ADAMTS5: variants seen among roughly 807,000 people sequenced by gnomAD.
ADAMTS5 encodes the protein A disintegrin and metalloproteinase with thrombospondin motifs 5.
Under a neutral mutation model 81.4 loss-of-function variants are expected in ADAMTS5, and 54 were observed. That is an observed-to-expected ratio of 0.66 (90% confidence interval 0.53 to 0.83). The LOEUF is 0.83. ADAMTS5 is among the 40% of genes least tolerant of loss of function. ADAMTS5 has a pLI of 0.00. For synonymous variants in ADAMTS5, 532 were observed against 508.8 expected (o/e 1.05, Z -0.61); for missense variants, 1,194 against 1,229.9 (o/e 0.97, Z 0.44).
Position 26,929,963 on chromosome 21 carries a change from C to T in ADAMTS5, c.2148G>A (p.Leu716=), listed in dbSNP as rs757897756. ...CACATACTCCGCACTTGTCATACTG[C>T]AGCTTTGAGCCAATGATGCCGTCAC... ...TGCDGIIGSK[L]QYDKCGVCGG... The change falls in exon 7 of 8, where the codon CTG becomes CTA. Residue 716 remains leucine (L), a synonymous_variant. Coordinates refer to ENST00000284987, the MANE Select transcript of ADAMTS5 (RefSeq NM_007038.5). The T allele has an allele frequency of 2.5e-6, 4 of 1,614,140 alleles. No individual in the cohort carries two copies. Among genetic ancestry groups the T allele is most frequent in the South Asian group, 2.2e-5 (2 of 91,080 alleles).
At chr21:26,933,477 T>C (rs1986953188) in intron 4 of ADAMTS5, among the ~76,000 whole-genome samples, 1 of 152,228 alleles carries the variant, frequency 6.6e-6, no homozygotes, top group Non-Finnish European at 1.5e-5. Context: ...TGTGTTTGCA[T>C]CTCTTCAGCA....
intron 3 of ADAMTS5, among the ~76,000 whole-genome samples, chr21:26,942,278 A>G (rs1369124520): frequency 2.0e-5 from 3 of 152,164 alleles, no homozygotes; most frequent in African/African-American, 7.2e-5. Flanking sequence ...CCACAGTTCC[A>G]AACAGTCAAC....
At chr21:26,946,667 A>G (rs1256184244) in intron 2 of ADAMTS5, among the ~76,000 whole-genome samples, 2 of 152,212 alleles carry the variant, frequency 1.3e-5, no homozygotes, top group African/African-American at 4.8e-5. Flanking sequence ...TGTCTCAGAG[A>G]GTAAAACAGC....
intron 2 of ADAMTS5, among the ~76,000 whole-genome samples, chr21:26,946,006 C>G (rs935798551): frequency 1.3e-5 from 2 of 152,152 alleles, no homozygotes; most frequent in Non-Finnish European, 2.9e-5. Flanking sequence ...GAAAGCCTGT[C>G]AGCTCTCTGG....
At chr21:26,932,688 G>C (rs1212115269) in intron 5 of ADAMTS5, among the ~76,000 whole-genome samples, 173 bp downstream of exon 5, 1 of 147,350 alleles carries the variant, frequency 6.8e-6, no homozygotes. Context: ...ACAACAGTGT[G>C]AGACTCCATC....
chr21:26,966,244 C>A lies in ADAMTS5; in HGVS notation c.148G>T (p.Glu50Ter). The change falls in exon 1 of 8, where the codon GAG becomes TAG. Residue 50 changes from glutamate (E) to a stop codon, truncating the protein, a stop_gained. Coordinates refer to ENST00000284987, the MANE Select transcript of ADAMTS5 (RefSeq NM_007038.5). LOFTEE classifies it high-confidence loss of function. ...AAQPRRRQGE[E>*]VQERAEPPGH... is the part of the protein sequence containing the mutation. Reference sequence around the variant, plus strand: ...GGAGGCTCGGCTCGCTCCTGCACCTCCTCCCCCTGCCGCCGGCGGGGCTGG... The same window carrying A: ...GGAGGCTCGGCTCGCTCCTGCACCTACTCCCCCTGCCGCCGGCGGGGCTGG... 6.3e-7 allele frequency: 1 copy of A among 1,599,198 alleles called. No homozygotes were observed. Among genetic ancestry groups the A allele is most frequent in the Non-Finnish European group, 8.5e-7 (1 of 1,175,110 alleles).
Position 26,965,963 on chromosome 21 carries a change from C to T in ADAMTS5, c.429G>A (p.Leu143=). 6.2e-7 allele frequency: 1 copy of T among 1,613,328 alleles called. No homozygotes were observed. The highest frequency in any genetic ancestry group is 8.5e-7 in the Non-Finnish European group (1 of 1,179,820). The change falls in exon 1 of 8, where the codon CTG becomes CTA. Residue 143 remains leucine, a synonymous_variant. Coordinates refer to ENST00000284987, the MANE Select transcript of ADAMTS5 (RefSeq NM_007038.5). ...GACCCCCACAGAGGTCAAAGACAGC[C>T]AGAGAGCGGGGACTACCGTCCACTG... is the stretch of plus-strand genomic sequence containing the variant. ...RGTVDGSPRS[L]AVFDLCGGLD...
intron 2 of ADAMTS5, among the ~76,000 whole-genome samples, chr21:26,944,964 T>C (rs1467280478): frequency 6.6e-6 from 1 of 152,190 alleles, no homozygotes; most frequent in Admixed American, 6.6e-5. Context: ...CAGCATTTAC[T>C]AGGCTTACAA....
rs1987638155 is a variant in ADAMTS5 at position 26,965,750 on chromosome 21, G to T, written c.642C>A (p.Ser214=). The T allele has an allele frequency of 1.3e-6, 2 of 1,597,052 alleles. No homozygotes were observed. Among genetic ancestry groups the T allele is most frequent in the African/African-American group, 1.3e-5 (1 of 74,634 alleles). ...GAGCATGCTCGTGGGCCTCCGGTGT[G>T]GACGCGGGGGTTTCGCAGCTGGCGC... ...PPRASCETPA[S]TPEAHEHAPA... Residue 214 remains serine, a synonymous_variant, in exon 1 of 8, where the codon TCC becomes TCA. Coordinates refer to ENST00000284987, the MANE Select transcript of ADAMTS5 (RefSeq NM_007038.5).
At position 26,923,094 on chromosome 21, in the gene ADAMTS5, GT is replaced by G. The variant is rs1986731571; in HGVS notation, c.*958del. 1 of 152,178 alleles carries G rather than the reference GT, an allele frequency of 6.6e-6. No individual in the cohort carries two copies. Among genetic ancestry groups the G allele is most frequent in the South Asian group, 2.1e-4 (1 of 4,834 alleles). The allele number at this position is 152,178 out of a possible 1,614,324, so 9.4% of individuals were successfully genotyped here. ...GGACATGATAGAAAACTTGCTGTGT[GT>G]TTTGTACGTATATCATACATTGTGA... On this transcript the variant is annotated 3_prime_UTR_variant, in exon 8 of 8. Transcript: ENST00000284987.
intron 2 of ADAMTS5, among the ~76,000 whole-genome samples, 153 bp downstream of exon 2, chr21:26,954,582 ATTAG>A (rs1987384049): frequency 2.0e-5 from 3 of 152,240 alleles, no homozygotes; most frequent in Admixed American, 6.5e-5. Context: ...TGTCGCTCGT[ATTAG>A]TTAACCTTAA....
chr21:26,924,129 T>G lies in ADAMTS5; in HGVS notation c.2717A>C (p.Asn906Thr), dbSNP rs374020141. Residue 906 changes from asparagine to threonine, a missense_variant, in exon 8 of 8, where the codon AAC becomes ACC. Transcript: ENST00000284987. ...HTRTVQCQDGNRKLAKGCPLS... is the reference protein window; with the variant it reads ...HTRTVQCQDGTRKLAKGCPLS... Reference sequence around the variant, plus strand: ...AGGACATCCTTTTGCTAACTTCCGGTTTCCATCCTGGCACTGCACCGTTCT... The same window carrying G: ...AGGACATCCTTTTGCTAACTTCCGGGTTCCATCCTGGCACTGCACCGTTCT... 1.0e-4 allele frequency: 161 copies of G among 1,612,814 alleles called. No homozygotes were observed. The highest frequency in any genetic ancestry group is 1.3e-4 in the Non-Finnish European group (153 of 1,178,944).
intron 1 of ADAMTS5, among the ~76,000 whole-genome samples, chr21:26,955,940 A>G (rs1049571311): frequency 1.3e-5 from 2 of 152,200 alleles, no homozygotes; most frequent in African/African-American, 4.8e-5. Flanking sequence ...TAAAATAATA[A>G]ATGTTTCTAT....
chr21:26,954,447 C>T (rs1476874299), intron 2 of ADAMTS5, among the ~76,000 whole-genome samples: 2 of 152,126 alleles, frequency 1.3e-5, no homozygotes, highest in African/African-American at 2.4e-5. Context: ...CAAATTTCAT[C>T]CAGGGGTCAT....
Position 26,924,610 on chromosome 21 carries a change from T to C in ADAMTS5, c.2236A>G (p.Thr746Ala), listed in dbSNP as rs142690061. 60 of 1,610,078 alleles carry C rather than the reference T, an allele frequency of 3.7e-5. No homozygotes were observed. Among genetic ancestry groups the C allele is most frequent in the Non-Finnish European group, 4.8e-5 (56 of 1,177,846 alleles). The change falls in exon 8 of 8, where the codon ACT (threonine) becomes GCT (alanine). Residue 746 changes from threonine (T) to alanine (A), a missense_variant. This residue lies in a region of ADAMTS5 where 696 missense variants were observed against 817.6 expected (regional missense o/e 0.85). Transcript: ENST00000284987. ...CCTTCAGGAATCCTCACCACGTCAG[T>C]GTAACCCTTACTGGAAGTAGGAATG... The part of the protein sequence containing the change: ...GTFNKKSKGY[T>A]DVVRIPEGAT...
At position 26,965,519 on chromosome 21, in the gene ADAMTS5, C is replaced by T. The variant is rs374659890; in HGVS notation, c.873G>A (p.Leu291=). The T allele has an allele frequency of 6.2e-7, 1 of 1,613,986 alleles. No homozygotes were observed. Among genetic ancestry groups the T allele is most frequent in the African/African-American group, 1.3e-5 (1 of 74,954 alleles). Residue 291 remains leucine (L), a synonymous_variant, in exon 1 of 8, where the codon CTG becomes CTA. Coordinates refer to ENST00000284987, the MANE Select transcript of ADAMTS5 (RefSeq NM_007038.5). ...TATTGGCGATGGAGGCCAGGGTCAGCAGGTAATGCTGCAGGCCCCGGCCAT... is the reference window on the plus strand; with the variant it reads ...TATTGGCGATGGAGGCCAGGGTCAGTAGGTAATGCTGCAGGCCCCGGCCAT... ...RLYGRGLQHY[L]LTLASIANRL... is the part of the protein sequence containing the mutation.
chr21:26,934,799 C>T (rs368409758), intron 3 of ADAMTS5, 50 bp from the exon 4 acceptor site: 15 of 1,590,650 alleles, frequency 9.4e-6, no homozygotes, highest in African/African-American at 5.4e-5. Context: ...GGTTTCAAAC[C>T]GCTAAAATCA....
At chr21:26,954,713 G>A in intron 2 of ADAMTS5, 26 bp downstream of exon 2, 1 of 1,609,596 alleles carries the variant, frequency 6.2e-7, no homozygotes, top group Non-Finnish European at 8.5e-7. Flanking sequence ...TTGATTTGGT[G>A]AGGGAAAAGA....
chr21:26,939,966 A>G (rs1030162460), intron 3 of ADAMTS5, among the ~76,000 whole-genome samples: 1 of 152,220 alleles, frequency 6.6e-6, no homozygotes, highest in African/African-American at 2.4e-5. Flanking sequence ...CTGCAGACAC[A>G]GTGACTTTAG....
Sources: allele counts gnomAD v4.1 joint callset (sites outside exome capture counted in the v4.1 genomes callset), GRCh38; gene constraint gnomAD v4.1.1; regional missense constraint gnomAD v4.1.1; transcripts MANE v1.5; gene names NCBI Gene and HGNC (gene_info 2026-07-23, HGNC 2026-07-21).